Variants in PRDM16 observed in about 807,000 individuals in gnomAD.
PRDM16 encodes the protein PR/SET domain 16.
Under a neutral mutation model 110.6 loss-of-function variants are expected in PRDM16, and 23 were observed. The observed-to-expected ratio is 0.21, with a 90% CI of 0.15 to 0.29. The LOEUF (loss-of-function observed/expected upper bound fraction) is 0.29. Ranked by LOEUF, PRDM16 falls within the 10% of genes least tolerant of loss-of-function variation. The pLI, the probability that PRDM16 is intolerant of heterozygous loss-of-function variation, is 1.00. For missense variants in PRDM16, 1,615 were observed against 1,794.3 expected (o/e 0.90, Z 1.81); for synonymous variants, 799 against 781.8 (o/e 1.02, Z -0.37).
At chr1:3,318,110 A>G (rs973125968) in intron 3 of PRDM16, among the ~76,000 whole-genome samples, 2 of 152,148 alleles carry the variant, frequency 1.3e-5, no homozygotes, top group African/African-American at 4.8e-5. Context: ...GCCGGAGTTG[A>G]TTGAAGAAAA....
chr1:3,426,367 G>GT, intron 14 of PRDM16, 142 bp downstream of exon 14: 1 of 617,576 alleles, frequency 1.6e-6, no homozygotes, highest in South Asian at 2.4e-5. Flanking sequence ...ACCACAGAGG[G>GT]TGAGGCCCCT....
At chr1:3,172,724 G>C (rs1481776004) in intron 1 of PRDM16, among the ~76,000 whole-genome samples, 1 of 152,222 alleles carries the variant, frequency 6.6e-6, no homozygotes, top group Non-Finnish European at 1.5e-5. Context: ...TCCCACTTAC[G>C]GGAGGTCCCT....
intron 1 of PRDM16, among the ~76,000 whole-genome samples, chr1:3,074,291 C>A (rs560895717): frequency 2.7e-4 from 41 of 152,150 alleles, no homozygotes; most frequent in Non-Finnish European, 4.7e-4. Context: ...CTTGGGAGGG[C>A]ACACAGCAGA....
chr1:3,212,765 C>G (rs1448158943), intron 2 of PRDM16, among the ~76,000 whole-genome samples: 2 of 152,238 alleles, frequency 1.3e-5, no homozygotes, highest in Admixed American at 6.5e-5. Context: ...CCCACCAGCA[C>G]CTGCATTTCC....
At chr1:3,429,631 C>T (rs1490621911) in intron 14 of PRDM16, among the ~76,000 whole-genome samples, 1 of 152,248 alleles carries the variant, frequency 6.6e-6, no homozygotes, top group Non-Finnish European at 1.5e-5. Flanking sequence ...AACCAGGACC[C>T]GGATCCCAGC....
Position 3,352,400 on chromosome 1 carries a change from C to A in PRDM16, c.439-32752C>A, listed in dbSNP as rs755480378. Among the ~76,000 whole-genome samples, 56 of 152,342 alleles carry A rather than the reference C, an allele frequency of 3.7e-4. 1 individual carries two copies. Among genetic ancestry groups the A allele is most frequent in the Admixed American group, 1.1e-3 (17 of 15,310 alleles). On this transcript the variant is annotated intron_variant, in intron 3 of 16. Coordinates refer to ENST00000270722, the MANE Select transcript of PRDM16 (RefSeq NM_022114.4). Reference sequence around the variant, plus strand: ...CCCAGATGCTCTCCACTGACCCTCCCTCCCCTCCGAAGCCGGCGCCCCCCT... The same window carrying A: ...CCCAGATGCTCTCCACTGACCCTCCATCCCCTCCGAAGCCGGCGCCCCCCT...
At chr1:3,347,540 G>T (rs1642385774) in intron 3 of PRDM16, among the ~76,000 whole-genome samples, 1 of 152,160 alleles carries the variant, frequency 6.6e-6, no homozygotes, top group African/African-American at 2.4e-5. Context: ...TAGAATCAAG[G>T]CAAGAGGCAG....
At position 3,186,271 on chromosome 1, in the gene PRDM16, C is replaced by T; in HGVS notation, c.184C>T (p.Pro62Ser). The T allele has an allele frequency of 6.2e-7, 1 of 1,611,942 alleles. No individual in the cohort carries two copies. The highest frequency in any genetic ancestry group is 8.5e-7 in the Non-Finnish European group (1 of 1,179,454). Residue 62 changes from proline to serine, a missense_variant, in exon 2 of 17, where the codon CCC becomes TCC. Transcript: ENST00000270722. ...CTTCCCCACCAGCGAGGACTTCACC[C>T]CCAAGGAGGGCTCGCCGTACGAGGC... ...SPFPTSEDFT[P>S]KEGSPYEAPV...
intron 1 of PRDM16, among the ~76,000 whole-genome samples, chr1:3,146,345 C>T (rs79155405): frequency 0.1 from 15,685 of 152,320 alleles, 1,937 homozygotes; most frequent in African/African-American, 0.29. Context: ...ATCATATAAA[C>T]CGTTCACAAA....
chr1:3,429,089 G>A (rs1325191415), intron 14 of PRDM16, among the ~76,000 whole-genome samples: 5 of 152,232 alleles, frequency 3.3e-5, no homozygotes, highest in Admixed American at 6.5e-5. Context: ...AAAGAGGGCC[G>A]GCAGCAGCGG....
At chr1:3,419,818 T>TC (rs1300995739) in intron 12 of PRDM16, among the ~76,000 whole-genome samples, 1 of 151,870 alleles carries the variant, frequency 6.6e-6, no homozygotes, top group Non-Finnish European at 1.5e-5. Context: ...AGAGCAAGCA[T>TC]CCCCGGCTGC....
intron 3 of PRDM16, among the ~76,000 whole-genome samples, chr1:3,313,917 T>G (rs1333443978): frequency 6.6e-6 from 1 of 152,250 alleles, no homozygotes; most frequent in Non-Finnish European, 1.5e-5. Context: ...GCGCCCTGGC[T>G]GCGATTTATT....
At chr1:3,426,606 A>G (rs557539132) in intron 14 of PRDM16, among the ~76,000 whole-genome samples, 1 of 152,336 alleles carries the variant, frequency 6.6e-6, no homozygotes, top group Non-Finnish European at 1.5e-5. Context: ...CTGCACCTTT[A>G]TACACACATG....
chr1:3,312,923 C>T (rs558900740), intron 3 of PRDM16, among the ~76,000 whole-genome samples: 1 of 152,374 alleles, frequency 6.6e-6, no homozygotes, highest in Non-Finnish European at 1.5e-5. Context: ...CGTGTGCACA[C>T]ACGGGTGCCT....
intron 9 of PRDM16, among the ~76,000 whole-genome samples, chr1:3,413,785 C>T (rs529109622): frequency 6.6e-6 from 1 of 152,344 alleles, no homozygotes; most frequent in Admixed American, 6.5e-5. Context: ...CTTCAAGAGC[C>T]ACCAGGCCAA....
rs143820697 is a variant in PRDM16, at chr1:3,144,728, C to T, written c.38-41397C>T. Among the ~76,000 whole-genome samples, 1,412 of 152,340 alleles carry T rather than the reference C, an allele frequency of 9.3e-3. 25 individuals carry two copies. Among genetic ancestry groups the T allele is most frequent in the African/African-American group, 0.032 (1,323 of 41,580 alleles). On this transcript the variant is annotated intron_variant, in intron 1 of 16. Coordinates refer to ENST00000270722, the MANE Select transcript of PRDM16 (RefSeq NM_022114.4). ...TATGCACCCAGCCGCCCAGCTCAGC[C>T]CCTGCACGGGGTCACCCCCAGTAAA...
chr1:3,194,681 T>TCTCCC (rs1553144246), intron 2 of PRDM16, among the ~76,000 whole-genome samples: 2 of 99,050 alleles, frequency 2.0e-5, no homozygotes, highest in East Asian at 2.7e-4. Flanking sequence ...CACCGTCTGA[T>TCTCCC]CGCCACACGC....
At position 3,411,827 on chromosome 1, in the gene PRDM16, G is replaced by A; in HGVS notation, c.1630G>A (p.Asp544Asn). 1 of 1,611,110 alleles carries A rather than the reference G, an allele frequency of 6.2e-7. No individual in the cohort carries two copies. Among genetic ancestry groups the A allele is most frequent in the Non-Finnish European group, 8.5e-7 (1 of 1,178,702 alleles). ...CAAGAGCCCCCTGAACCACACCCAG[G>A]ACGCCAAGCTCCCCAGTCCCCTGGG... Reference protein sequence around the residue: ...LLKSPLNHTQDAKLPSPLGNP... With the variant: ...LLKSPLNHTQNAKLPSPLGNP... Residue 544 changes from aspartate (D) to asparagine (N), a missense_variant, in exon 9 of 17, where the codon GAC becomes AAC. Coordinates refer to ENST00000270722, the MANE Select transcript of PRDM16 (RefSeq NM_022114.4).
intron 2 of PRDM16, among the ~76,000 whole-genome samples, chr1:3,242,397 C>G (rs1557552601): frequency 1.3e-5 from 2 of 152,208 alleles, no homozygotes; most frequent in Non-Finnish European, 2.9e-5. Context: ...CGGGATCTGT[C>G]CTTCTACTCT....
Sources: allele counts gnomAD v4.1 joint callset (sites outside exome capture counted in the v4.1 genomes callset), GRCh38; gene constraint gnomAD v4.1.1; transcripts MANE v1.5; gene names NCBI Gene and HGNC (gene_info 2026-07-23, HGNC 2026-07-21).